The following PUS1 variants were observed in gnomAD, a reference collection of about 807,000 sequenced individuals.
PUS1 encodes pseudouridine synthase 1, also known as pseudouridylate synthase 1 homolog.
In PUS1, 25 loss-of-function variants were observed where a neutral mutation model predicts 38.5. The ratio of observed to expected loss-of-function variants is 0.65; its 90% CI spans 0.47 to 0.91. The LOEUF is 0.91. Among genes scored for constraint, PUS1 ranks in the 40% least tolerant of loss-of-function variants. PUS1 has a pLI of 0.00. For synonymous variants in PUS1, 282 were observed against 260.4 expected (o/e 1.08, Z -0.80); for missense variants, 597 against 612.3 (o/e 0.97, Z 0.26).
At chr12:131,932,666 A>G (rs971968431) in intron 3 of PUS1, 60 of 428,598 alleles carry the variant, frequency 1.4e-4, no homozygotes, top group South Asian at 8.2e-4. Context: ...GTGTGGCTGC[A>G]AAGGCAGAGA....
chr12:131,930,097 C>T lies in PUS1; in HGVS notation c.265C>T (p.Leu89Phe). The change falls in exon 2 of 6, where the codon CTC (leucine) becomes TTC (phenylalanine). Residue 89 changes from leucine (L) to phenylalanine (F), a missense_variant. By Grantham distance (22) the Leu-to-Phe change is conservative. Transcript: ENST00000376649. The part of the protein sequence containing the change: ...EKPPKRKIVL[L>F]MAYSGKGYHG... ...GCCGCCCAAGCGGAAGATCGTGCTG[C>T]TCATGGCCTATTCGGGCAAGGGCTA... 1 of 1,443,110 alleles carries T rather than the reference C, an allele frequency of 6.9e-7. No homozygotes were observed. Among genetic ancestry groups the T allele is most frequent in the Non-Finnish European group, 9.1e-7 (1 of 1,099,058 alleles). The allele number at this position is 1,443,110 out of a possible 1,614,324, so 89.4% of individuals were successfully genotyped here.
At chr12:131,938,547 T>A (rs1164563487) in intron 3 of PUS1, among the ~76,000 whole-genome samples, 1 of 152,088 alleles carries the variant, frequency 6.6e-6, no homozygotes, top group Non-Finnish European at 1.5e-5. Flanking sequence ...TTGATCAGTT[T>A]TTATCTGTGT....
chr12:131,942,596 T>C (rs148437933), intron 5 of PUS1, among the ~76,000 whole-genome samples: 19,990 of 151,978 alleles, frequency 0.13, 2,667 homozygotes, highest in African/African-American at 0.34. Flanking sequence ...TTAGTAGAGA[T>C]GGGGTTTCAC....
chr12:131,943,391 G>A, intron 5 of PUS1, 148 bp from the exon 6 acceptor site: 2 of 760,306 alleles, frequency 2.6e-6, no homozygotes, highest in Non-Finnish European at 4.8e-6. Flanking sequence ...TTAAGAGAAT[G>A]ACCGAGAACA....
chr12:131,938,191 C>G (rs1890913019), intron 3 of PUS1, among the ~76,000 whole-genome samples: 1 of 152,110 alleles, frequency 6.6e-6, no homozygotes, highest in Admixed American at 6.5e-5. Flanking sequence ...CACCTGTAAT[C>G]CCAGCACTTT....
intron 3 of PUS1, chr12:131,932,886 G>A: frequency 4.7e-6 from 2 of 429,310 alleles, no homozygotes. Context: ...TCAAGATTGG[G>A]CAGTTTATAA....
rs931359535 is a variant in PUS1 at position 131,941,073 on chromosome 12, C to T, written c.545-219C>T. 8.8e-6 allele frequency: 5 copies of T among 571,012 alleles called. No homozygotes were observed. The highest frequency in any genetic ancestry group is 6.2e-6 in the Non-Finnish European group (2 of 320,010). The allele number at this position is 571,012 out of a possible 1,614,324, so 35.4% of individuals were successfully genotyped here. A position where few individuals can be genotyped will look rare whatever the true frequency, so the allele number is the denominator to read the frequency against. On this transcript the variant is annotated intron_variant, in intron 4 of 5. Transcript: ENST00000376649. The surrounding 1 kb of genome is among the most constrained non-coding windows in gnomAD (Gnocchi z 4.4). Reference sequence around the variant, plus strand: ...TACAATAAATGGTTGTAAATTCAGTCACCTTATAGAGCACTGCACCTGTCC... The same window carrying T: ...TACAATAAATGGTTGTAAATTCAGTTACCTTATAGAGCACTGCACCTGTCC...
At chr12:131,931,120 AGTT>A (rs1430896407) in intron 2 of PUS1, among the ~76,000 whole-genome samples, 15 of 152,336 alleles carry the variant, frequency 9.8e-5, no homozygotes, top group African/African-American at 3.6e-4. Context: ...TAACTTCGGC[AGTT>A]GTTATAACAG....
Position 131,941,778 on chromosome 12 carries a change from A to G in PUS1, c.1031A>G (p.Asn344Ser), listed in dbSNP as rs751508177. The change falls in exon 5 of 6, where the codon AAC becomes AGC. Residue 344 changes from asparagine (N) to serine (S), a missense_variant. Transcript: ENST00000376649. The surrounding 1 kb of genome is among the most constrained non-coding windows in gnomAD (Gnocchi z 4.4). ...GAGAGGGTGCACTTCGAGAAGTACA[A>G]CCAGCGCTTTGGCAACGATGGGCTG... ...VLERVHFEKY[N>S]QRFGNDGLHE... is the part of the protein sequence containing the mutation. 6 of 1,613,446 alleles carry G rather than the reference A, an allele frequency of 3.7e-6. No individual in the cohort carries two copies. The highest frequency in any genetic ancestry group is 1.7e-6 in the Non-Finnish European group (2 of 1,179,578).
intron 4 of PUS1, among the ~76,000 whole-genome samples, chr12:131,939,716 G>A (rs933459499): frequency 6.6e-6 from 1 of 152,048 alleles, no homozygotes; most frequent in Non-Finnish European, 1.5e-5. Context: ...GTGCAGTGGT[G>A]CAATCATGGC....
chr12:131,929,771 C>T lies in PUS1; in HGVS notation c.49C>T (p.Leu17=), dbSNP rs747124823. ...ALLGAFGRWT[L]RLGPRPSCSP... ...GTTGGGAGCCTTCGGACGGTGGACC[C>T]TGCGCCTGGGACCGCGTCCGTCCTG... Residue 17 remains leucine, a synonymous_variant, in exon 1 of 6, where the codon CTG becomes TTG. Transcript: ENST00000376649. 1.3e-6 allele frequency: 2 copies of T among 1,591,996 alleles called. No homozygotes were observed. The highest frequency in any genetic ancestry group is 1.7e-6 in the Non-Finnish European group (2 of 1,176,898).
intron 4 of PUS1, among the ~76,000 whole-genome samples, chr12:131,939,966 G>C (rs1417479837): frequency 6.6e-6 from 1 of 152,106 alleles, no homozygotes; most frequent in Non-Finnish European, 1.5e-5. Context: ...CTTGCTCTCT[G>C]TTTTCTTTTC....
intron 2 of PUS1, among the ~76,000 whole-genome samples, chr12:131,930,484 C>A (rs1389520664): frequency 1.3e-5 from 2 of 152,218 alleles, no homozygotes. Context: ...GAACAGTGGA[C>A]AGCTCGGGGC....
chr12:131,936,580 C>G (rs1206750997), intron 3 of PUS1, among the ~76,000 whole-genome samples: 2 of 140,248 alleles, frequency 1.4e-5, no homozygotes, highest in African/African-American at 3.0e-5. Context: ...CAAAACAAAA[C>G]AAAAGAAACA....
In PUS1 at chr12:131,945,657, CG is replaced by C. The variant is rs1438692866; in HGVS notation, c.*2073del. On this transcript the variant is annotated 3_prime_UTR_variant, in exon 6 of 6. Transcript: ENST00000376649. ...GAGTACAGGTGCCCGCTGCCACGCC[CG>C]GCTGATTTTTGTATTTTTGGTAGAG... 1 of 152,122 alleles carries C rather than the reference CG, an allele frequency of 6.6e-6. No homozygotes were observed. Among genetic ancestry groups the C allele is most frequent in the Non-Finnish European group, 1.5e-5 (1 of 68,026 alleles). The allele number at this position is 152,122 out of a possible 1,614,324, so 9.4% of individuals were successfully genotyped here. A position where few individuals can be genotyped will look rare whatever the true frequency, so the allele number is the denominator to read the frequency against.
At position 131,932,020 on chromosome 12, in the gene PUS1, A is replaced by T. The variant is rs576900641; in HGVS notation, c.304-155A>T. ...GCCCCAGGGTGAGTGAGCAGAAAAC[A>T]GTGTTTTCACATGAGCGTGGCAGCT... On this transcript the variant is annotated intron_variant, in intron 2 of 5. Transcript: ENST00000376649. 3.2e-4 allele frequency: 234 copies of T among 730,700 alleles called. 3 individuals carry two copies. The East Asian group carries it at 6.2e-3, about 19-fold the overall frequency. The allele number at this position is 730,700 out of a possible 1,614,324, so 45.3% of individuals were successfully genotyped here. A position where few individuals can be genotyped will look rare whatever the true frequency, so the allele number is the denominator to read the frequency against.
Position 131,944,129 on chromosome 12 carries a change from C to T in PUS1, c.*543C>T, listed in dbSNP as rs1031728673. 4 of 163,186 alleles carry T rather than the reference C, an allele frequency of 2.5e-5. No individual in the cohort carries two copies. In the East Asian group the frequency reaches 5.1e-4, roughly 21 times the overall value. 10.1% of individuals were successfully genotyped at this position (163,186 alleles called of 1,614,324 possible). On this transcript the variant is annotated 3_prime_UTR_variant, in exon 6 of 6. Transcript: ENST00000376649. ...CGGCATGCCCTGTAGTTCAGCTGCT[C>T]AGGAGGCTGAGGTGGGAGGATTGCC...
intron 4 of PUS1, among the ~76,000 whole-genome samples, chr12:131,939,662 CTGTT>C (rs1265827450): frequency 5.3e-5 from 8 of 152,074 alleles, no homozygotes; most frequent in Non-Finnish European, 1.2e-4. Context: ...TTCATTTATT[CTGTT>C]TGTTTTTTGA....
Position 131,929,386 on chromosome 12 carries a change from G to A in PUS1, c.-337G>A. ...CCCACCGGGCGGGGCGGGAGGTGAA[G>A]AGGCTGGGGAAGTCAGAGGTTAACC... On this transcript the variant is annotated 5_prime_UTR_variant, in exon 1 of 6. Coordinates refer to ENST00000376649, the MANE Select transcript of PUS1 (RefSeq NM_025215.6). 3.2e-6 allele frequency: 1 copy of A among 310,956 alleles called. No homozygotes were observed. The highest frequency in any genetic ancestry group is 5.3e-5 in the East Asian group (1 of 18,972). The allele number at this position is 310,956 out of a possible 1,614,324, so 19.3% of individuals were successfully genotyped here.
Sources: gnomAD v4.1 joint callset for allele counts (sites outside exome capture counted in the v4.1 genomes callset) on GRCh38, gnomAD v4.1.1 for gene constraint, Gnocchi (gnomAD v3.1) non-coding constraint, MANE v1.5 for transcripts, NCBI Gene and HGNC (gene_info 2026-07-23, HGNC 2026-07-21) for gene names.